Variants in PRKG1 observed in about 807,000 individuals in gnomAD.
PRKG1 encodes protein kinase cGMP-dependent 1.
In PRKG1, 35 loss-of-function variants were observed where a neutral mutation model predicts 88.1. The observed-to-expected ratio is 0.40, with a 90% confidence interval of 0.30 to 0.53. PRKG1 has a LOEUF of 0.53. Ranked by LOEUF, PRKG1 falls within the 20% of genes least tolerant of loss-of-function variation. The pLI, the probability that PRKG1 is intolerant of heterozygous loss-of-function variation, is 0.59. For missense variants in PRKG1, 540 were observed against 839.8 expected (o/e 0.64, Z 4.41); for synonymous variants, 303 against 292.5 (o/e 1.04, Z -0.37).
chr10:51,485,400 G>A (rs1840502869), intron 3 of PRKG1, among the ~76,000 whole-genome samples: 1 of 152,118 alleles, frequency 6.6e-6, no homozygotes, highest in African/African-American at 2.4e-5. Flanking sequence ...CGCGGAGGGT[G>A]GTTAGACAGA....
chr10:51,423,415 G>T (rs1005030274), intron 2 of PRKG1, among the ~76,000 whole-genome samples: 5 of 152,032 alleles, frequency 3.3e-5, no homozygotes, highest in Non-Finnish European at 7.4e-5. Flanking sequence ...TGTCTTCCTT[G>T]TTCCTCCTTT....
intron 2 of PRKG1, among the ~76,000 whole-genome samples, chr10:51,395,057 A>G (rs1837539253): frequency 6.6e-6 from 1 of 152,222 alleles, no homozygotes. Flanking sequence ...CTGAGGAGTA[A>G]CTATTCTATC....
At chr10:52,061,192 A>G (rs1045709290) in intron 6 of PRKG1, among the ~76,000 whole-genome samples, 6 of 151,948 alleles carry the variant, frequency 3.9e-5, no homozygotes, top group Admixed American at 3.9e-4. Flanking sequence ...TAAAAACTGA[A>G]TTTCCATGGT....
chr10:51,891,827 G>A (rs1841729567), intron 4 of PRKG1, among the ~76,000 whole-genome samples: 2 of 152,206 alleles, frequency 1.3e-5, no homozygotes, highest in African/African-American at 4.8e-5. Context: ...TAGTGGATCA[G>A]TGGACCATAG....
At chr10:51,272,431 G>A (rs1352333871) in intron 2 of PRKG1, among the ~76,000 whole-genome samples, 1 of 152,016 alleles carries the variant, frequency 6.6e-6, no homozygotes, top group African/African-American at 2.4e-5. Flanking sequence ...GGTGCAGCAA[G>A]CCACCATGGC....
chr10:51,830,560 G>GTTTTTTTTTTT (rs531412645), intron 4 of PRKG1, among the ~76,000 whole-genome samples: 22 of 83,646 alleles, frequency 2.6e-4, no homozygotes, highest in Non-Finnish European at 3.4e-4. Context: ...TTTTTTTTTT[G>GTTTTTTTTTTT]TTTTTTTTTT....
chr10:52,153,777 C>T (rs188632933), intron 8 of PRKG1, among the ~76,000 whole-genome samples: 1 of 152,124 alleles, frequency 6.6e-6, no homozygotes, highest in East Asian at 1.9e-4. Flanking sequence ...TGGAGTTTCG[C>T]TCTTGTTGCC....
At chr10:51,036,295 A>G (rs1353197562) in intron 1 of PRKG1, among the ~76,000 whole-genome samples, 1 of 152,162 alleles carries the variant, frequency 6.6e-6, no homozygotes, top group Non-Finnish European at 1.5e-5. Context: ...CTTGGCTGGT[A>G]AAGGGTATTC....
chr10:51,289,624 T>C (rs1465217249), intron 2 of PRKG1, among the ~76,000 whole-genome samples: 1 of 152,022 alleles, frequency 6.6e-6, no homozygotes, highest in East Asian at 1.9e-4. Context: ...GTTTCTTGAC[T>C]CTACCTAAGA....
chr10:51,944,735 G>A (rs1187652947), intron 5 of PRKG1, among the ~76,000 whole-genome samples: 3 of 152,052 alleles, frequency 2.0e-5, no homozygotes. Context: ...TCAGGAGCAG[G>A]TTGTTCAGTT....
intron 2 of PRKG1, among the ~76,000 whole-genome samples, chr10:51,275,636 A>C (rs569741332): frequency 1.1e-4 from 17 of 152,222 alleles, no homozygotes; most frequent in Non-Finnish European, 2.4e-4. Context: ...TCACTTAACG[A>C]GCACATATCA....
chr10:51,718,665 G>T (rs537854755), intron 3 of PRKG1, among the ~76,000 whole-genome samples: 1 of 152,134 alleles, frequency 6.6e-6, no homozygotes, highest in Non-Finnish European at 1.5e-5. Context: ...CTTTCTTACA[G>T]ATAAACTCCT....
chr10:52,244,187 G>T (rs1840943328), intron 9 of PRKG1, among the ~76,000 whole-genome samples: 1 of 152,014 alleles, frequency 6.6e-6, no homozygotes, highest in African/African-American at 2.4e-5. Flanking sequence ...TAGAATTTTA[G>T]AAGTCTTCTT....
intron 5 of PRKG1, among the ~76,000 whole-genome samples, chr10:52,004,694 GA>G (rs1457382084): frequency 5.3e-5 from 8 of 152,156 alleles, no homozygotes; most frequent in Admixed American, 5.2e-4. Context: ...TGGTAGGGGG[GA>G]AACGTTCATA....
intron 4 of PRKG1, among the ~76,000 whole-genome samples, chr10:51,854,318 A>C (rs61528392): frequency 0.042 from 6,415 of 152,218 alleles, 457 homozygotes; most frequent in African/African-American, 0.15. Context: ...CACTGAGAAG[A>C]CAAATCAGAT....
At chr10:51,032,107 GAGA>G (rs1163589398) in intron 1 of PRKG1, among the ~76,000 whole-genome samples, 2 of 152,160 alleles carry the variant, frequency 1.3e-5, no homozygotes, top group South Asian at 2.1e-4. Context: ...AGTGTGTGCT[GAGA>G]AGAACATTCC....
intron 3 of PRKG1, among the ~76,000 whole-genome samples, chr10:51,739,444 G>A (rs994940438): frequency 1.3e-5 from 2 of 151,948 alleles, no homozygotes; most frequent in Non-Finnish European, 2.9e-5. Flanking sequence ...AACTTCTCAG[G>A]TTATTATAAC....
intron 3 of PRKG1, among the ~76,000 whole-genome samples, chr10:51,561,869 GT>G (rs201319563): frequency 0.012 from 1,778 of 151,812 alleles, 39 homozygotes; most frequent in African/African-American, 0.04. Context: ...TGCAAATTAG[GT>G]TTTTTTTCAA....
At chr10:51,987,522 G>A (rs898808231) in intron 5 of PRKG1, among the ~76,000 whole-genome samples, 4 of 143,078 alleles carry the variant, frequency 2.8e-5, no homozygotes, top group African/African-American at 1.0e-4. Flanking sequence ...TGGTCCAAAT[G>A]TTTCACTTTC....
Sources: gnomAD v4.1 joint callset for allele counts (sites outside exome capture counted in the v4.1 genomes callset) on GRCh38, gnomAD v4.1.1 for gene constraint, MANE v1.5 for transcripts, NCBI Gene and HGNC (gene_info 2026-07-23, HGNC 2026-07-21) for gene names.